The following OR3A2 variants were observed in gnomAD, a reference collection of about 807,000 sequenced individuals.
OR3A2 encodes olfactory receptor 3A2.
For missense variants in OR3A2, 318 were observed against 392.8 expected (o/e 0.81, Z 1.61); for synonymous variants, 126 against 159.3 (o/e 0.79, Z 1.57).
intron 2 of OR3A2, among the ~76,000 whole-genome samples, chr17:3,376,812 T>C (rs2049688873): frequency 6.6e-6 from 1 of 152,008 alleles, no homozygotes; most frequent in Non-Finnish European, 1.5e-5. Flanking sequence ...CCCCCAATTC[T>C]GCTGGCTGCC....
At chr17:3,292,271 G>A in intron 3 of OR3A2, 3 of 1,614,194 alleles carry the variant, frequency 1.9e-6, no homozygotes, top group South Asian at 1.1e-5. Context: ...GGAAGAAGAA[G>A]AGCTGGGTAA....
intron 3 of OR3A2, among the ~76,000 whole-genome samples, chr17:3,298,670 A>T (rs1223261666): frequency 6.6e-6 from 1 of 152,196 alleles, no homozygotes; most frequent in Non-Finnish European, 1.5e-5. Context: ...AACAACTCAA[A>T]TGCCACCTCT....
chr17:3,348,057 C>T (rs1597352637), intron 2 of OR3A2, among the ~76,000 whole-genome samples: 1 of 152,136 alleles, frequency 6.6e-6, no homozygotes, highest in African/African-American at 2.4e-5. Flanking sequence ...TGAGAAGTGT[C>T]TGTTCACGTC....
intron 3 of OR3A2, among the ~76,000 whole-genome samples, chr17:3,314,503 ATG>A (rs2049066255): frequency 1.8e-5 from 1 of 54,456 alleles, no homozygotes; most frequent in Non-Finnish European, 4.0e-5. Flanking sequence ...TGATGTAAAC[ATG>A]TGTATGGGCT....
chr17:3,326,682 T>A (rs2049177225), intron 3 of OR3A2, among the ~76,000 whole-genome samples: 2 of 146,774 alleles, frequency 1.4e-5, no homozygotes, highest in African/African-American at 2.6e-5. Context: ...TAGGTATATC[T>A]CCCAATGCTA....
chr17:3,366,709 A>G (rs1040881682), intron 2 of OR3A2, among the ~76,000 whole-genome samples: 3 of 152,182 alleles, frequency 2.0e-5, no homozygotes, highest in Non-Finnish European at 4.4e-5. Context: ...GATATTCTTG[A>G]GTCTGTGAGA....
rs538269507 is a variant in OR3A2, at chr17:3,361,092, G to C, written c.-179+22712C>G. Among the ~76,000 whole-genome samples the C allele has an allele frequency of 2.3e-3, 343 of 151,396 alleles. 10 individuals are homozygous for C. The highest frequency in any genetic ancestry group is 8.0e-3 in the African/African-American group (325 of 40,856). On this transcript the variant is annotated intron_variant, in intron 2 of 4. Coordinates refer to the OR3A2 transcript ENST00000573491. ...ATTTGTTTGTGTCCTCTTTTATTTC[G>C]TTAAGCAGTGGTTTGTAGTTCTCCT...
At chr17:3,284,149 T>C (rs145355213) in intron 1 of OR3A2, among the ~76,000 whole-genome samples, 42,710 of 131,232 alleles carry the variant, frequency 0.33, 5,943 homozygotes, top group South Asian at 0.41. Context: ...CTCACACTCA[T>C]GCTAACAGGC....
chr17:3,333,787 C>A (rs947482958), intron 3 of OR3A2, among the ~76,000 whole-genome samples: 2 of 152,018 alleles, frequency 1.3e-5, no homozygotes, highest in African/African-American at 2.4e-5. Flanking sequence ...TTCTGCACAG[C>A]AAGATAAACT....
At chr17:3,280,514 C>G (rs571031401) in intron 1 of OR3A2, among the ~76,000 whole-genome samples, 1 of 152,098 alleles carries the variant, frequency 6.6e-6, no homozygotes, top group Non-Finnish European at 1.5e-5. Flanking sequence ...CCTGGTGATC[C>G]GCCCGCCTCG....
intron 3 of OR3A2, among the ~76,000 whole-genome samples, chr17:3,304,064 ACT>A (rs1372381972): frequency 1.3e-5 from 2 of 150,656 alleles, no homozygotes; most frequent in Admixed American, 6.6e-5. Flanking sequence ...AATAAAGCAG[ACT>A]CTACATGTAT....
intron 3 of OR3A2, among the ~76,000 whole-genome samples, chr17:3,290,092 G>A (rs2048851783): frequency 6.6e-6 from 1 of 152,058 alleles, no homozygotes; most frequent in African/African-American, 2.4e-5. Context: ...AAGAGAAAAC[G>A]AGTCCTTGGT....
chr17:3,294,082 C>A (rs1035821580), intron 3 of OR3A2, among the ~76,000 whole-genome samples: 1 of 151,950 alleles, frequency 6.6e-6, no homozygotes, highest in African/African-American at 2.4e-5. Flanking sequence ...GACAAACCTG[C>A]ATGTCCTGCA....
chr17:3,304,977 A>G lies in OR3A2; in HGVS notation c.-84-25824T>C, dbSNP rs577076548. ...AATTAATCTATGTTGAAAAAATCAGAACAATAATTGTTTTTGAGTAGTCAT... is the reference window on the plus strand; with the variant it reads ...AATTAATCTATGTTGAAAAAATCAGGACAATAATTGTTTTTGAGTAGTCAT... On this transcript the variant is annotated intron_variant, in intron 3 of 4. Coordinates refer to the OR3A2 transcript ENST00000573491. Among the ~76,000 whole-genome samples, 6 of 152,358 alleles carry G rather than the reference A, an allele frequency of 3.9e-5. No homozygotes were observed. In the South Asian group the frequency reaches 1.2e-3, roughly 32 times the overall value.
At chr17:3,329,939 A>T (rs1242630040) in intron 3 of OR3A2, among the ~76,000 whole-genome samples, 27 of 142,432 alleles carry the variant, frequency 1.9e-4, no homozygotes, top group Admixed American at 1.8e-3. Flanking sequence ...TTCAAAGAAC[A>T]TCTTTATTTC....
At chr17:3,356,088 C>A (rs552948531) in intron 2 of OR3A2, among the ~76,000 whole-genome samples, 5 of 151,568 alleles carry the variant, frequency 3.3e-5, no homozygotes, top group Non-Finnish European at 5.9e-5. Context: ...AGTGCATAAA[C>A]AATCAAACAA....
At chr17:3,342,152 G>C (rs2049324267) in intron 2 of OR3A2, among the ~76,000 whole-genome samples, 1 of 152,102 alleles carries the variant, frequency 6.6e-6, no homozygotes, top group Non-Finnish European at 1.5e-5. Flanking sequence ...GTTTATTCTA[G>C]TTAGCCATTT....
intron 2 of OR3A2, among the ~76,000 whole-genome samples, chr17:3,369,805 CTTTT>C (rs35233474): frequency 7.4e-6 from 1 of 134,698 alleles, no homozygotes; most frequent in African/African-American, 2.8e-5. Flanking sequence ...TAGATTGGTA[CTTTT>C]TTTTTTTTTT....
chr17:3,277,329 G>T (rs2048744742), exon 2 of OR3A2: 2 of 152,222 alleles, frequency 1.3e-5, no homozygotes, highest in African/African-American at 4.8e-5. Flanking sequence ...TATGGTTTTG[G>T]TTTTTTTAAA....
Sources: gnomAD v4.1 joint callset for allele counts (sites outside exome capture counted in the v4.1 genomes callset) on GRCh38, gnomAD v4.1.1 for gene constraint, MANE v1.5 for transcripts, NCBI Gene and HGNC (gene_info 2026-07-23, HGNC 2026-07-21) for gene names.